Variants in HIVEP3 observed in about 807,000 individuals in gnomAD.
HIVEP3 encodes the protein HIVEP zinc finger 3.
In HIVEP3, 49 loss-of-function variants were observed where a neutral mutation model predicts 152.8. The observed-to-expected ratio is 0.32, with a 90% CI of 0.26 to 0.41. The LOEUF (loss-of-function observed/expected upper bound fraction) is 0.41, where lower values mean the gene tolerates loss of function less well. Ranked by LOEUF, HIVEP3 falls within the 10% of genes least tolerant of loss-of-function variation. The pLI is 1.00. For synonymous variants in HIVEP3, 1,269 were observed against 1,289.0 expected (o/e 0.98, Z 0.33); for missense variants, 2,790 against 3,103.3 (o/e 0.90, Z 2.40).
chr1:41,607,507 C>A (rs960425149), intron 3 of HIVEP3, among the ~76,000 whole-genome samples: 3 of 152,024 alleles, frequency 2.0e-5, no homozygotes, highest in African/African-American at 7.3e-5. Flanking sequence ...AATGAAAGAA[C>A]CTCTTACTTA....
intron 1 of HIVEP3, among the ~76,000 whole-genome samples, chr1:41,964,027 C>T (rs1251157736): frequency 6.6e-6 from 1 of 152,182 alleles, no homozygotes; most frequent in Non-Finnish European, 1.5e-5. Flanking sequence ...TCCTTCCTAA[C>T]GCCCAGTCGT....
Position 41,581,445 on chromosome 1 carries a change from G to C in HIVEP3, c.3353C>G (p.Thr1118Arg). ...RPPLGPTVPY[T>R]EALQVFHHPV... is the part of the protein sequence containing the mutation. ...GTGGTGGAACACTTGCAGTGCTTCT[G>C]TGTAGGGCACAGTGGGCCCCAATGG... The change falls in exon 4 of 9, where the codon ACA becomes AGA. Residue 1118 changes from threonine (T) to arginine (R), a missense_variant. Physicochemically the swap from Thr to Arg is moderately conservative, Grantham distance 71. Around this residue, in one of 9 missense-constraint regions of HIVEP3, gnomAD observed 1,078 missense variants for 1,165.3 expected, o/e 0.93. Coordinates refer to ENST00000372583, the MANE Select transcript of HIVEP3 (RefSeq NM_024503.5). The surrounding 1 kb of genome is among the most constrained non-coding windows in gnomAD (Gnocchi z 4.5). The C allele has an allele frequency of 6.3e-7, 1 of 1,587,022 alleles. No individual in the cohort carries two copies. The highest frequency in any genetic ancestry group is 8.6e-7 in the Non-Finnish European group (1 of 1,167,086).
intron 1 of HIVEP3, among the ~76,000 whole-genome samples, chr1:41,815,729 C>T (rs1355636200): frequency 1.3e-5 from 2 of 150,678 alleles, no homozygotes; most frequent in Admixed American, 6.6e-5. Context: ...CAACAAGTGC[C>T]GTAGGAATCG....
Position 41,552,351 on chromosome 1 carries a change from A to G in HIVEP3, c.5207+23193T>C, listed in dbSNP as rs544892736. Among the ~76,000 whole-genome samples the G allele has an allele frequency of 7.8e-3, 1,105 of 140,976 alleles. 5 individuals carry two copies. The highest frequency in any genetic ancestry group is 0.013 in the Non-Finnish European group (852 of 64,720). The allele number at this position is 140,976 out of a possible 152,430, so 92.5% of individuals were successfully genotyped here. ...CATCTAGCATTAGGTATATCTCCCAATGCTATCCCTCCCCCCTCCCCCCAC... is the reference window on the plus strand; with the variant it reads ...CATCTAGCATTAGGTATATCTCCCAGTGCTATCCCTCCCCCCTCCCCCCAC... On this transcript the variant is annotated intron_variant, in intron 5 of 8. Coordinates refer to ENST00000372583, the MANE Select transcript of HIVEP3 (RefSeq NM_024503.5).
chr1:41,775,936 G>T (rs936934402), intron 1 of HIVEP3, among the ~76,000 whole-genome samples: 4 of 152,194 alleles, frequency 2.6e-5, no homozygotes, highest in African/African-American at 9.7e-5. Context: ...TGCCTAGTCA[G>T]TTATGTGCAG....
At chr1:41,638,950 C>A (rs1558138071) in intron 2 of HIVEP3, among the ~76,000 whole-genome samples, 1 of 152,230 alleles carries the variant, frequency 6.6e-6, no homozygotes, top group Non-Finnish European at 1.5e-5. Flanking sequence ...GACTCTGGCA[C>A]TGGGCCTCAC....
rs1426486703 is a variant in HIVEP3, at chr1:41,892,581, T to C, written c.-801+25832A>G. 3.9e-5 allele frequency among the ~76,000 whole-genome samples: 6 copies of C among 152,298 alleles called. No individual in the cohort carries two copies. The South Asian group carries it at 1.0e-3, about 26-fold the overall frequency. ...TGCTGAGTGAGGCAGTATCATGACA[T>C]GGCAACGATAAATGTTGAACGTTGG... On this transcript the variant is annotated intron_variant, in intron 1 of 8. Coordinates refer to ENST00000372583, the MANE Select transcript of HIVEP3 (RefSeq NM_024503.5).
At chr1:41,565,288 G>T (rs762671373) in intron 5 of HIVEP3, among the ~76,000 whole-genome samples, 4 of 152,110 alleles carry the variant, frequency 2.6e-5, no homozygotes, top group Non-Finnish European at 4.4e-5. Context: ...TGCTGAAGCT[G>T]AGAAGCCAAG....
intron 5 of HIVEP3, among the ~76,000 whole-genome samples, chr1:41,537,957 C>T (rs1643438636): frequency 6.6e-6 from 1 of 152,232 alleles, no homozygotes; most frequent in Non-Finnish European, 1.5e-5. Context: ...TGGTCTGAGC[C>T]TGGCGCTGGG....
At chr1:41,826,538 C>T (rs1206029410) in intron 1 of HIVEP3, among the ~76,000 whole-genome samples, 3 of 152,166 alleles carry the variant, frequency 2.0e-5, no homozygotes, top group Admixed American at 6.5e-5. Context: ...CTCAGCCTCC[C>T]GATGTGAACT....
chr1:41,521,882 C>T lies in HIVEP3; in HGVS notation c.5383+2853G>A, dbSNP rs928920525. Among the ~76,000 whole-genome samples, 9 of 152,356 alleles carry T rather than the reference C, an allele frequency of 5.9e-5. 1 individual carries two copies. The highest frequency in any genetic ancestry group is 4.1e-4 in the South Asian group (2 of 4,828). On this transcript the variant is annotated intron_variant, in intron 6 of 8. Transcript: ENST00000372583. The stretch of plus-strand genomic sequence containing the variant: ...AGGGCCTGGACATGGCACAGCCATC[C>T]GCTGGCCTCTGGGAACCATCTGAGA...
intron 1 of HIVEP3, among the ~76,000 whole-genome samples, chr1:41,702,535 C>T (rs1394738215): frequency 2.0e-5 from 3 of 152,110 alleles, no homozygotes; most frequent in Non-Finnish European, 2.9e-5. Flanking sequence ...ATTGTAATGA[C>T]TAAATGAACT....
At chr1:42,000,906 T>C (rs909884724) in intron 1 of HIVEP3, among the ~76,000 whole-genome samples, 1 of 152,200 alleles carries the variant, frequency 6.6e-6, no homozygotes, top group Non-Finnish European at 1.5e-5. Flanking sequence ...TAAAATTAGA[T>C]CATAAATGGA....
At chr1:41,543,891 C>A (rs1038192713) in intron 5 of HIVEP3, 2 of 152,200 alleles carry the variant, frequency 1.3e-5, no homozygotes, top group Non-Finnish European at 2.9e-5. Context: ...ATGGTCCAAT[C>A]TCCTGCTCAG....
intron 1 of HIVEP3, among the ~76,000 whole-genome samples, chr1:41,715,515 T>C (rs1404791328): frequency 6.6e-6 from 1 of 152,160 alleles, no homozygotes; most frequent in Non-Finnish European, 1.5e-5. Context: ...GCAGCACCCA[T>C]GGGAACCATG....
At chr1:41,625,483 G>C (rs1645104392) in intron 3 of HIVEP3, among the ~76,000 whole-genome samples, 1 of 152,192 alleles carries the variant, frequency 6.6e-6, no homozygotes, top group Non-Finnish European at 1.5e-5. Context: ...TCCTGATCTA[G>C]AACCTCAGAT....
rs79962754 is a variant in HIVEP3, at chr1:41,763,685, C to A, written c.-800-62690G>T. Reference sequence around the variant, plus strand: ...GTACAAAATATATCATATAGTAATGCTGGAGTACGTTCTCAAAAATACTTT... The same window carrying A: ...GTACAAAATATATCATATAGTAATGATGGAGTACGTTCTCAAAAATACTTT... On this transcript the variant is annotated intron_variant, in intron 1 of 8. Coordinates refer to ENST00000372583, the MANE Select transcript of HIVEP3 (RefSeq NM_024503.5). Among the ~76,000 whole-genome samples the A allele has an allele frequency of 1.8e-3, 280 of 152,262 alleles. 2 individuals carry two copies. Among genetic ancestry groups the A allele is most frequent in the African/African-American group, 6.5e-3 (269 of 41,544 alleles).
chr1:41,750,346 G>A (rs758102632), intron 1 of HIVEP3, among the ~76,000 whole-genome samples: 3 of 152,226 alleles, frequency 2.0e-5, no homozygotes, highest in Admixed American at 6.5e-5. Flanking sequence ...CTGAATAAAC[G>A]AGGGAGTGAA....
chr1:41,616,500 T>C (rs75263390), intron 3 of HIVEP3, among the ~76,000 whole-genome samples: 1 of 151,810 alleles, frequency 6.6e-6, no homozygotes, highest in Non-Finnish European at 1.5e-5. Flanking sequence ...CAAGCTCCCA[T>C]TTGAGACTCC....
Sources: allele counts gnomAD v4.1 joint callset (sites outside exome capture counted in the v4.1 genomes callset), GRCh38; gene constraint gnomAD v4.1.1; regional missense constraint gnomAD v4.1.1; non-coding constraint Gnocchi (gnomAD v3.1); transcripts MANE v1.5; gene names NCBI Gene and HGNC (gene_info 2026-07-23, HGNC 2026-07-21).